Variants in ARMC8 observed in about 807,000 individuals in gnomAD.
ARMC8 encodes the protein armadillo repeat-containing protein 8.
A neutral mutation model predicts 99.3 loss-of-function variants in ARMC8; 20 were observed. The ratio of observed to expected loss-of-function variants is 0.20; its 90% CI spans 0.14 to 0.29. The LOEUF (loss-of-function observed/expected upper bound fraction) is 0.29. ARMC8 is among the 10% of genes least tolerant of loss of function. ARMC8 has a pLI of 1.00. For synonymous variants in ARMC8, 263 were observed against 278.3 expected, an observed-to-expected ratio of 0.95 and a Z score of 0.55; for missense variants, 569 against 809.5, an observed-to-expected ratio of 0.70 and a Z score of 3.60.
chr3:138,209,852 G>T lies in ARMC8; in HGVS notation c.81G>T (p.Arg27Ser). The T allele has an allele frequency of 6.2e-7, 1 of 1,613,870 alleles. No individual in the cohort carries two copies. The highest frequency in any genetic ancestry group is 8.5e-7 in the Non-Finnish European group (1 of 1,179,862). ...VTASSRHYVD[R>S]LFDPDPQKVL... The stretch of plus-strand genomic sequence containing the variant: ...CTAGCAGTCGCCACTATGTTGACAG[G>T]CTATTTGACCCTGATCCCCAGAAAG... The change falls in exon 2 of 22, where the codon AGG (arginine) becomes AGT (serine). Residue 27 changes from arginine to serine, a missense_variant. Arg to Ser is a moderately radical substitution (Grantham distance 110, BLOSUM62 -1). Around this residue, in one of 2 missense-constraint regions of ARMC8, gnomAD observed 342 missense variants for 391.6 expected, o/e 0.87. Transcript: ENST00000469044.
At chr3:138,264,044 C>T (rs1238801315) in intron 13 of ARMC8, 87 bp from the exon 14 acceptor site, 3 of 1,217,874 alleles carry the variant, frequency 2.5e-6, no homozygotes, top group Non-Finnish European at 3.6e-6. Flanking sequence ...TTGAAGTGTA[C>T]ATTAGTCATT....
chr3:138,225,310 C>G (rs147825357), intron 5 of ARMC8, among the ~76,000 whole-genome samples: 1 of 152,094 alleles, frequency 6.6e-6, no homozygotes, highest in African/African-American at 2.4e-5. Context: ...GGGGTTTCAC[C>G]ATGTTGGCCA....
At chr3:138,256,557 C>T (rs2047419787) in intron 12 of ARMC8, among the ~76,000 whole-genome samples, 1 of 151,920 alleles carries the variant, frequency 6.6e-6, no homozygotes, top group Admixed American at 6.5e-5. Flanking sequence ...ACTATAGGCG[C>T]CCGCCACAGC....
chr3:138,241,726 T>C (rs879143813), intron 10 of ARMC8, 57 bp from the exon 11 acceptor site: 1 of 1,461,030 alleles, frequency 6.8e-7, no homozygotes, highest in South Asian at 1.1e-5. Flanking sequence ...TCAGTCACTA[T>C]ATGCTTAAGC....
chr3:138,244,433 A>T (rs958526024), intron 11 of ARMC8, among the ~76,000 whole-genome samples: 9 of 151,818 alleles, frequency 5.9e-5, no homozygotes, highest in Non-Finnish European at 1.0e-4. Context: ...GCCTGCCACC[A>T]CGCCCAGCTC....
intron 7 of ARMC8, among the ~76,000 whole-genome samples, chr3:138,236,523 G>C (rs1019884606): frequency 6.6e-6 from 1 of 152,180 alleles, no homozygotes; most frequent in South Asian, 2.1e-4. Context: ...GCCAGGGTTT[G>C]CTGTATTACC....
At chr3:138,216,072 A>G (rs1262233169) in intron 2 of ARMC8, among the ~76,000 whole-genome samples, 1 of 142,342 alleles carries the variant, frequency 7.0e-6, no homozygotes, top group Non-Finnish European at 1.5e-5. Flanking sequence ...TTTTTTAAGT[A>G]GAGATGGGGT....
At chr3:138,187,839 G>A (rs1447522740) in intron 1 of ARMC8, 1 of 558,794 alleles carries the variant, frequency 1.8e-6, no homozygotes, top group Non-Finnish European at 3.2e-6. Context: ...CCAGGATGGC[G>A]TCTGGCAGGC....
At chr3:138,193,342 C>A (rs563858816) in intron 1 of ARMC8, among the ~76,000 whole-genome samples, 1 of 152,128 alleles carries the variant, frequency 6.6e-6, no homozygotes, top group Non-Finnish European at 1.5e-5. Context: ...CTCACTGCAA[C>A]CTCTGCCTCC....
intron 9 of ARMC8, 52 bp downstream of exon 9, chr3:138,237,624 G>A: frequency 2.7e-6 from 4 of 1,479,440 alleles, no homozygotes; most frequent in African/African-American, 2.8e-5. Flanking sequence ...CAATATCTTA[G>A]AGTATTTTTG....
chr3:138,220,214 G>A (rs1411415568), intron 2 of ARMC8, among the ~76,000 whole-genome samples: 2 of 152,150 alleles, frequency 1.3e-5, no homozygotes, highest in Non-Finnish European at 2.9e-5. Flanking sequence ...TGAGGATGCG[G>A]GAGCTTAGAA....
At chr3:138,245,336 C>T (rs962145575) in intron 12 of ARMC8, 153 bp downstream of exon 12, 42 of 1,498,634 alleles carry the variant, frequency 2.8e-5, no homozygotes, top group Admixed American at 4.2e-5. Flanking sequence ...GAATGGGACC[C>T]GGATTTGGGG....
chr3:138,193,072 G>A (rs1576565314), intron 1 of ARMC8, among the ~76,000 whole-genome samples: 2 of 151,982 alleles, frequency 1.3e-5, no homozygotes, highest in Non-Finnish European at 2.9e-5. Flanking sequence ...AGGTTCAAGC[G>A]ATTCTCCTCT....
At position 138,264,122 on chromosome 3, in the gene ARMC8, T is replaced by A; in HGVS notation, c.1218-9T>A. 6.2e-7 allele frequency: 1 copy of A among 1,607,786 alleles called. No homozygotes were observed. The highest frequency in any genetic ancestry group is 1.7e-5 in the Admixed American group (1 of 58,884). ...TTCTTGTGAAGCTAATTTTGATTAT[T>A]CTTTGTAGATGTTTGCACAGTTTAT... is the stretch of plus-strand genomic sequence containing the variant. On this transcript the variant is annotated splice_polypyrimidine_tract_variant and intron_variant, in intron 13 of 21. Transcript: ENST00000469044.
chr3:138,219,506 C>T (rs1010313601), intron 2 of ARMC8, among the ~76,000 whole-genome samples: 6 of 152,034 alleles, frequency 3.9e-5, no homozygotes, highest in Non-Finnish European at 7.4e-5. Context: ...AAGGAGATGA[C>T]GGAGAAAGAA....
At chr3:138,218,210 G>A (rs1260653454) in intron 2 of ARMC8, among the ~76,000 whole-genome samples, 1 of 151,816 alleles carries the variant, frequency 6.6e-6, no homozygotes, top group Non-Finnish European at 1.5e-5. Flanking sequence ...GATAAGCATA[G>A]GGGTCTGGAG....
chr3:138,208,028 AGAT>A (rs898020667), intron 1 of ARMC8, among the ~76,000 whole-genome samples: 14 of 151,816 alleles, frequency 9.2e-5, no homozygotes, highest in African/African-American at 3.1e-4. Flanking sequence ...TGGGAGGCTG[AGAT>A]GAGAGTATTC....
At chr3:138,264,078 G>C (rs1181649291) in intron 13 of ARMC8, 53 bp from the exon 14 acceptor site, 1 of 1,530,652 alleles carries the variant, frequency 6.5e-7, no homozygotes, top group East Asian at 2.3e-5. Flanking sequence ...CAGTTTGTTT[G>C]AAAAGTAAAA....
intron 15 of ARMC8, among the ~76,000 whole-genome samples, chr3:138,268,413 T>G (rs1451602724): frequency 6.6e-6 from 1 of 152,174 alleles, no homozygotes; most frequent in Non-Finnish European, 1.5e-5. Context: ...GGTCTTGGCC[T>G]GATGATAATC....
Sources: allele counts gnomAD v4.1 joint callset (sites outside exome capture counted in the v4.1 genomes callset), GRCh38; gene constraint gnomAD v4.1.1; regional missense constraint gnomAD v4.1.1; transcripts MANE v1.5; gene names NCBI Gene and HGNC (gene_info 2026-07-23, HGNC 2026-07-21).